Variants in LRRC72 observed in about 807,000 individuals in gnomAD.
The protein encoded by LRRC72 is leucine-rich repeat-containing protein 72.
Under a neutral mutation model 35.8 loss-of-function variants are expected in LRRC72, and 41 were observed. The ratio of observed to expected loss-of-function variants is 1.15; its 90% CI spans 0.89 to 1.49. The LOEUF is 1.49. Among genes scored for constraint, LRRC72 ranks in the 40% most tolerant of loss-of-function variants. The pLI is 0.00. For synonymous variants in LRRC72, 118 were observed against 119.2 expected (o/e 0.99, Z 0.07); for missense variants, 389 against 330.7 (o/e 1.18, Z -1.37).
intron 3 of LRRC72, among the ~76,000 whole-genome samples, chr7:16,549,488 C>G (rs1583641831): frequency 6.6e-6 from 1 of 152,208 alleles, no homozygotes; most frequent in Non-Finnish European, 1.5e-5. Context: ...GTGGCTTGTA[C>G]TGCTGGTGTC....
intron 5 of LRRC72, among the ~76,000 whole-genome samples, chr7:16,563,463 A>G (rs1018227357): frequency 7.2e-5 from 11 of 152,216 alleles, no homozygotes; most frequent in Non-Finnish European, 1.3e-4. Flanking sequence ...TATACTCTGT[A>G]AGTAGCCTAG....
intron 1 of LRRC72, among the ~76,000 whole-genome samples, chr7:16,528,516 T>G (rs79944918): frequency 0.086 from 13,072 of 152,158 alleles, 657 homozygotes; most frequent in East Asian, 0.15. Context: ...GTGCTAATTC[T>G]CTGCCTCCAT....
Position 16,527,623 on chromosome 7 carries a change from GA to G in LRRC72, c.90+590del, listed in dbSNP as rs529882123. The stretch of plus-strand genomic sequence containing the variant: ...AAGAATATTTGGATATTTGGGTGGG[GA>G]AAAAAAAATCTCAGAATTGTGCCAG... On this transcript the variant is annotated intron_variant, in intron 1 of 8. Transcript: ENST00000401542. 8.6e-5 allele frequency among the ~76,000 whole-genome samples: 13 copies of G among 151,254 alleles called. No homozygotes were observed. In the East Asian group the frequency reaches 1.6e-3, roughly 18 times the overall value.
intron 7 of LRRC72, among the ~76,000 whole-genome samples, chr7:16,572,290 A>T (rs1169163618): frequency 6.6e-6 from 1 of 152,152 alleles, no homozygotes; most frequent in East Asian, 1.9e-4. Context: ...GAGGAACTCC[A>T]CCCTAACTCA....
intron 7 of LRRC72, among the ~76,000 whole-genome samples, chr7:16,574,514 T>C (rs1260340428): frequency 6.6e-6 from 1 of 152,192 alleles, no homozygotes; most frequent in Non-Finnish European, 1.5e-5. Context: ...TGGATGAAGC[T>C]GGAAACCATC....
chr7:16,565,622 G>A (rs1240833083), intron 5 of LRRC72, among the ~76,000 whole-genome samples: 4 of 152,070 alleles, frequency 2.6e-5, no homozygotes, highest in Non-Finnish European at 4.4e-5. Context: ...GATGTCAAAA[G>A]TGCCAGGGCT....
chr7:16,554,712 C>T (rs1782619114), intron 3 of LRRC72, among the ~76,000 whole-genome samples: 1 of 152,158 alleles, frequency 6.6e-6, no homozygotes. Flanking sequence ...CCCTTCACTC[C>T]CCCTTACCTT....
rs1003192935 is a variant in LRRC72, at chr7:16,567,472, G to A, written c.599G>A (p.Gly200Glu). Reference sequence around the variant, plus strand: ...CATATCGTTCAATCAATAGCATTCGGAGGAAAAGTGGATGCTTCATGGGAT... The same window carrying A: ...CATATCGTTCAATCAATAGCATTCGAAGGAAAAGTGGATGCTTCATGGGAT... ...KAHIVQSIAF[G>E]GKVDASWDPK... is the part of the protein sequence containing the mutation. Residue 200 changes from glycine (G) to glutamate (E), a missense_variant, in exon 7 of 9, where the codon GGA becomes GAA. Gly to Glu is a moderately conservative substitution (Grantham distance 98). Coordinates refer to ENST00000401542, the MANE Select transcript of LRRC72 (RefSeq NM_001195280.2). 1 of 1,532,982 alleles carries A rather than the reference G, an allele frequency of 6.5e-7. No individual in the cohort carries two copies. Among genetic ancestry groups the A allele is most frequent in the African/African-American group, 1.4e-5 (1 of 71,978 alleles). 95.0% of individuals were successfully genotyped at this position (1,532,982 alleles called of 1,614,324 possible). A position where few individuals can be genotyped will look rare whatever the true frequency, so the allele number is the denominator to read the frequency against.
chr7:16,564,368 C>G (rs1782791423), intron 5 of LRRC72, among the ~76,000 whole-genome samples: 1 of 148,038 alleles, frequency 6.8e-6, no homozygotes, highest in Non-Finnish European at 1.5e-5. Context: ...AACTACAATT[C>G]ATGATCCCAA....
chr7:16,550,308 A>G (rs60160018), intron 3 of LRRC72, among the ~76,000 whole-genome samples: 3,241 of 152,304 alleles, frequency 0.021, 128 homozygotes, highest in African/African-American at 0.075. Context: ...GGCAAATCAC[A>G]TAATATCTCT....
At position 16,581,447 on chromosome 7, in the gene LRRC72, A is replaced by G; in HGVS notation, c.822A>G (p.Glu274=). 1 of 1,550,522 alleles carries G rather than the reference A, an allele frequency of 6.4e-7. No homozygotes were observed. Among genetic ancestry groups the G allele is most frequent in the South Asian group, 1.2e-5 (1 of 83,910 alleles). The part of the protein sequence containing the change: ...PTREERYLEE[E]GTETAQMLTV... ...GAGAGGAAAGGTACCTTGAAGAGGA[A>G]GGCACAGAAACAGCTCAAATGCTCA... Residue 274 remains glutamate, a synonymous_variant, in exon 9 of 9, where the codon GAA becomes GAG. Coordinates refer to ENST00000401542, the MANE Select transcript of LRRC72 (RefSeq NM_001195280.2).
chr7:16,543,694 G>C (rs1036090097), intron 3 of LRRC72, among the ~76,000 whole-genome samples: 1 of 152,202 alleles, frequency 6.6e-6, no homozygotes, highest in African/African-American at 2.4e-5. Flanking sequence ...ACACATAAGG[G>C]CACATTTGCT....
intron 3 of LRRC72, among the ~76,000 whole-genome samples, chr7:16,554,399 A>C (rs1164539862): frequency 6.6e-6 from 1 of 152,200 alleles, no homozygotes; most frequent in East Asian, 1.9e-4. Flanking sequence ...AGCATATCTT[A>C]TAATGTTCCT....
chr7:16,527,115 G>T, intron 1 of LRRC72, 73 bp downstream of exon 1: 1 of 1,201,252 alleles, frequency 8.3e-7, no homozygotes. Context: ...TCCTGCCTGA[G>T]GACTCCAGGC....
At chr7:16,551,931 G>A (rs1782558594) in intron 3 of LRRC72, among the ~76,000 whole-genome samples, 2 of 152,188 alleles carry the variant, frequency 1.3e-5, no homozygotes, top group South Asian at 4.1e-4. Context: ...GAAGTGGGGT[G>A]GGGGAGCAGT....
At chr7:16,529,515 T>C (rs562527014) in intron 1 of LRRC72, among the ~76,000 whole-genome samples, 1 of 152,204 alleles carries the variant, frequency 6.6e-6, no homozygotes, top group Non-Finnish European at 1.5e-5. Context: ...CATGGCAAAC[T>C]TAATTGAATT....
At chr7:16,566,987 C>T (rs781728748) in intron 6 of LRRC72, among the ~76,000 whole-genome samples, 15 of 152,090 alleles carry the variant, frequency 9.9e-5, no homozygotes, top group Non-Finnish European at 1.9e-4. Flanking sequence ...ACTTACCTTT[C>T]TGTCTCTGCA....
intron 2 of LRRC72, 92 bp downstream of exon 2, chr7:16,532,660 T>G: frequency 9.4e-7 from 1 of 1,065,340 alleles, no homozygotes; most frequent in Non-Finnish European, 1.4e-6. Context: ...TTTCCATTTT[T>G]CCCCCTCAAG....
intron 3 of LRRC72, among the ~76,000 whole-genome samples, chr7:16,555,487 T>C (rs1420582773): frequency 6.6e-6 from 1 of 152,182 alleles, no homozygotes; most frequent in Non-Finnish European, 1.5e-5. Context: ...TAATAATAGT[T>C]CCTGGCCGGA....
Sources: gnomAD v4.1 joint callset for allele counts (sites outside exome capture counted in the v4.1 genomes callset) on GRCh38, gnomAD v4.1.1 for gene constraint, MANE v1.5 for transcripts, NCBI Gene and HGNC (gene_info 2026-07-23, HGNC 2026-07-21) for gene names.